GPR89B: variants seen among roughly 807,000 people sequenced by gnomAD.
GPR89B encodes golgi pH regulator B, also known as G protein-coupled receptor 89B.
GPR89B carries 25 observed loss-of-function variants against 52.4 expected under a neutral mutation model. That is an observed-to-expected ratio of 0.48 (90% CI 0.35 to 0.67). GPR89B has a LOEUF of 0.67. Among genes scored for constraint, GPR89B ranks in the 30% least tolerant of loss-of-function variants. GPR89B has a pLI of 0.01. For missense variants in GPR89B, 146 were observed against 450.2 expected, an observed-to-expected ratio of 0.32 and a Z score of 6.11; for synonymous variants, 52 against 151.2, an observed-to-expected ratio of 0.34 and a Z score of 4.81.
intron 7 of GPR89B, among the ~76,000 whole-genome samples, chr1:147,963,636 C>A (rs1329902906): frequency 1.3e-5 from 2 of 152,030 alleles, no homozygotes; most frequent in Admixed American, 6.6e-5. Flanking sequence ...AAAACTACAT[C>A]GAGATAATCA....
rs1360574999 is a variant in GPR89B, at chr1:147,978,586, TCTG to T, written c.910-7609_910-7607del. 1.3e-4 allele frequency among the ~76,000 whole-genome samples: 20 copies of T among 151,292 alleles called. 1 individual carries two copies. Among genetic ancestry groups the T allele is most frequent in the African/African-American group, 4.9e-4 (20 of 40,970 alleles). ...GAGCCAGCAGGCAGGAAAGACTAAG[TCTG>T]CTGAACCACGAAGACGATAGTCACC... is the stretch of plus-strand genomic sequence containing the variant. On this transcript the variant is annotated intron_variant, in intron 10 of 13. Coordinates refer to ENST00000314163, the MANE Select transcript of GPR89B (RefSeq NM_016334.5).
In GPR89B at chr1:147,932,078, AT is replaced by A. The variant is rs781947906; in HGVS notation, c.42+3511del. 4.0e-3 allele frequency among the ~76,000 whole-genome samples: 585 copies of A among 148,090 alleles called. 3 individuals are homozygous for A. The highest frequency in any genetic ancestry group is 0.013 in the African/African-American group (541 of 40,458). On this transcript the variant is annotated intron_variant, in intron 1 of 13. Transcript: ENST00000314163. ...CTTCCATTTCATAGCAATCTTGGTG[AT>A]TTTTTTTTTTAATCATCCATTTCCA...
the GPR89B span, among the ~76,000 whole-genome samples, chr1:148,009,898 T>G: frequency 6.6e-6 from 1 of 151,770 alleles, no homozygotes; most frequent in Non-Finnish European, 1.5e-5. Context: ...GTATGTAAGC[T>G]CGGGAGGGAG....
the GPR89B span, among the ~76,000 whole-genome samples, chr1:148,016,938 G>A: frequency 6.6e-6 from 1 of 151,548 alleles, no homozygotes; most frequent in African/African-American, 2.4e-5. Context: ...CTTCTGCAAC[G>A]TCTAATCTGC....
intron 1 of GPR89B, among the ~76,000 whole-genome samples, chr1:147,934,097 T>C (rs1368429030): frequency 1.3e-3 from 201 of 151,042 alleles, no homozygotes; most frequent in Non-Finnish European, 2.0e-3. Context: ...CTCTGCGCCT[T>C]TACTCATGCC....
chr1:148,014,710 C>G, the GPR89B span: 1 of 152,060 alleles, frequency 6.6e-6, no homozygotes, highest in African/African-American at 2.4e-5. Context: ...GTCACCCTCC[C>G]AACAACCCAG....
chr1:147,947,126 G>T (rs587729033), intron 5 of GPR89B, among the ~76,000 whole-genome samples: 51 of 152,152 alleles, frequency 3.4e-4, no homozygotes, highest in Admixed American at 3.3e-3. Context: ...CTTGAGGCCA[G>T]GAGTTAGAGA....
intron 12 of GPR89B, among the ~76,000 whole-genome samples, chr1:147,990,333 A>G (rs1193592039): frequency 0.01 from 1,549 of 152,236 alleles, 29 homozygotes; most frequent in African/African-American, 0.034. Flanking sequence ...AGTTCTTTGT[A>G]AATTCTGGAT....
intron 12 of GPR89B, 55 bp from the exon 13 acceptor site, chr1:147,992,447 C>T (rs1302392871): frequency 1.1e-5 from 18 of 1,582,474 alleles, no homozygotes; most frequent in East Asian, 2.2e-5. Context: ...TCTTACTGTT[C>T]GTGACACAGG....
At chr1:147,945,394 T>C (rs1654882787) in intron 5 of GPR89B, among the ~76,000 whole-genome samples, 2 of 151,830 alleles carry the variant, frequency 1.3e-5, no homozygotes, top group Non-Finnish European at 1.5e-5. Context: ...GTGTCTATTA[T>C]AGAATCTGCC....
At chr1:148,005,237 T>C in the GPR89B span, 1 of 550,166 alleles carries the variant, frequency 1.8e-6, no homozygotes, top group Non-Finnish European at 3.1e-6. Flanking sequence ...TGTTCACCCT[T>C]AATATGAAGG....
At chr1:148,024,793 A>T in the GPR89B span, 5 of 151,728 alleles carry the variant, frequency 3.3e-5, no homozygotes, top group East Asian at 7.8e-4. Context: ...TCTCAAGGGG[A>T]TGTAGAAATG....
At position 147,936,663 on chromosome 1, in the gene GPR89B, C is replaced by A. The variant is rs587718844; in HGVS notation, c.79C>A (p.Arg27Ser). Residue 27 changes from arginine (R) to serine (S), a missense_variant, in exon 2 of 14, where the codon CGC becomes AGC. Arg to Ser is a moderately radical substitution (Grantham distance 110, BLOSUM62 -1). Transcript: ENST00000314163. ...TGGATTTGGGTGGCTTTTCTTCATG[C>A]GCCAATTGTTTAAAGACTATGAGGT... The part of the protein sequence containing the change: ...FFGFGWLFFM[R>S]QLFKDYEIRQ... 4.3e-6 allele frequency: 7 copies of A among 1,611,468 alleles called. No homozygotes were observed. Among genetic ancestry groups the A allele is most frequent in the Admixed American group, 3.3e-5 (2 of 59,844 alleles).
At chr1:147,930,870 C>T (rs1180451469) in intron 1 of GPR89B, among the ~76,000 whole-genome samples, 1 of 152,094 alleles carries the variant, frequency 6.6e-6, no homozygotes, top group African/African-American at 2.4e-5. Context: ...CTCCAGATTT[C>T]CACACAGTGT....
intron 7 of GPR89B, among the ~76,000 whole-genome samples, chr1:147,959,804 C>T (rs1269053829): frequency 9.2e-5 from 14 of 151,912 alleles, no homozygotes; most frequent in Admixed American, 3.9e-4. Context: ...CTTCTTGGTG[C>T]GATTTGCAAG....
chr1:148,006,617 G>A, the GPR89B span, among the ~76,000 whole-genome samples: 1 of 151,994 alleles, frequency 6.6e-6, no homozygotes, highest in Non-Finnish European at 1.5e-5. Context: ...CACAGTAAGA[G>A]ATTAACAATA....
the GPR89B span, among the ~76,000 whole-genome samples, chr1:148,002,495 G>A: frequency 6.6e-6 from 1 of 152,142 alleles, no homozygotes; most frequent in South Asian, 2.1e-4. Flanking sequence ...GCAACAGAAT[G>A]AGCATGGGCT....
intron 5 of GPR89B, among the ~76,000 whole-genome samples, chr1:147,950,532 G>A (rs1360333321): frequency 6.6e-5 from 10 of 152,184 alleles, no homozygotes; most frequent in Admixed American, 6.5e-4. Flanking sequence ...CAGACGGGGT[G>A]GCGCCGGGCA....
chr1:148,013,373 T>C, the GPR89B span, among the ~76,000 whole-genome samples: 1 of 152,062 alleles, frequency 6.6e-6, no homozygotes, highest in South Asian at 2.1e-4. Flanking sequence ...TTTCTTCTGA[T>C]GTTGGTAGAG....
Sources: gnomAD v4.1 joint callset for allele counts (sites outside exome capture counted in the v4.1 genomes callset) on GRCh38, gnomAD v4.1.1 for gene constraint, MANE v1.5 for transcripts, NCBI Gene and HGNC (gene_info 2026-07-23, HGNC 2026-07-21) for gene names.